WNK2: variants seen among roughly 807,000 people sequenced by gnomAD.
The protein encoded by WNK2 is serine/threonine-protein kinase WNK2.
A neutral mutation model predicts 192.1 loss-of-function variants in WNK2; 67 were observed. The observed-to-expected ratio is 0.35, with a 90% CI of 0.29 to 0.43. WNK2 has a LOEUF of 0.43. Among genes scored for constraint, WNK2 ranks in the 20% least tolerant of loss-of-function variants. The pLI is 1.00. For missense variants in WNK2, 2,698 were observed against 3,089.7 expected, an observed-to-expected ratio of 0.87 and a Z score of 3.01; for synonymous variants, 1,439 against 1,393.9, an observed-to-expected ratio of 1.03 and a Z score of -0.72.
At position 93,308,487 on chromosome 9, in the gene WNK2, C is replaced by T. The variant is rs1193417697; in HGVS notation, c.6419C>T (p.Ala2140Val). Residue 2140 changes from alanine to valine, a missense_variant, in exon 28 of 30, where the codon GCG becomes GTG. By Grantham distance (64) the Ala-to-Val change is moderately conservative. Coordinates refer to ENST00000427277, the MANE Select transcript of WNK2 (RefSeq NM_006648.4). The part of the protein sequence containing the change: ...DEWTSKTVGA[A>V]QLKPTLNQLK... The stretch of plus-strand genomic sequence containing the variant: ...TGGACGAGCAAGACGGTGGGGGCCG[C>T]GCAGCTGAAGCCCACGCTCAACCAG... 2.5e-5 allele frequency: 41 copies of T among 1,608,628 alleles called. No homozygotes were observed. Among genetic ancestry groups the T allele is most frequent in the African/African-American group, 4.0e-5 (3 of 74,842 alleles).
intron 23 of WNK2, among the ~76,000 whole-genome samples, chr9:93,296,662 G>T (rs1182729683): frequency 1.1e-4 from 1 of 8,910 alleles, no homozygotes; most frequent in Non-Finnish European, 2.1e-4. Flanking sequence ...TTTCTCCCCT[G>T]CCCATCCTCC....
intron 19 of WNK2, among the ~76,000 whole-genome samples, chr9:93,281,871 A>T (rs1847790932): frequency 6.6e-6 from 1 of 152,218 alleles, no homozygotes; most frequent in Non-Finnish European, 1.5e-5. Context: ...TGAAGGAAAT[A>T]AGCCCCAACC....
At chr9:93,283,663 C>T (rs1848049939) in intron 19 of WNK2, among the ~76,000 whole-genome samples, 1 of 152,172 alleles carries the variant, frequency 6.6e-6, no homozygotes, top group Admixed American at 6.6e-5. Flanking sequence ...ATTGCTGGAA[C>T]AACTCAGTGT....
intron 2 of WNK2, among the ~76,000 whole-genome samples, chr9:93,220,129 C>G (rs1052508778): frequency 1.3e-5 from 2 of 152,194 alleles, no homozygotes; most frequent in Non-Finnish European, 2.9e-5. Flanking sequence ...GTGGGCCAGG[C>G]CTCCTCTGGA....
chr9:93,230,818 A>T, intron 3 of WNK2, 70 bp from the exon 4 acceptor site: 1 of 1,379,412 alleles, frequency 7.2e-7, no homozygotes. Context: ...AAGCAGTGTT[A>T]GGTGGGGGCT....
chr9:93,281,500 G>A (rs1371618088), intron 19 of WNK2, among the ~76,000 whole-genome samples: 2 of 152,028 alleles, frequency 1.3e-5, no homozygotes, highest in Non-Finnish European at 1.5e-5. Flanking sequence ...AGTAAAATAA[G>A]GATAATGAAA....
intron 2 of WNK2, among the ~76,000 whole-genome samples, chr9:93,212,666 C>A (rs1835009331): frequency 6.6e-6 from 1 of 152,172 alleles, no homozygotes; most frequent in African/African-American, 2.4e-5. Context: ...AAAATGGGAG[C>A]AGCATCGACA....
rs1440181684 is a variant in WNK2, at chr9:93,306,338, C to T, written c.6215-439C>T. Among the ~76,000 whole-genome samples the T allele has an allele frequency of 4.6e-5, 7 of 152,222 alleles. No individual in the cohort carries two copies. In the East Asian group the frequency reaches 9.6e-4, roughly 21 times the overall value. ...TTGGAAAACCTCCGATGGGCTTCGG[C>T]GGCCAAGCCCAGCTGTGCCCAGCTC... On this transcript the variant is annotated intron_variant, in intron 26 of 29. Coordinates refer to ENST00000427277, the MANE Select transcript of WNK2 (RefSeq NM_006648.4).
intron 27 of WNK2, 176 bp from the exon 28 acceptor site, chr9:93,308,152 A>G: frequency 7.6e-7 from 1 of 1,310,948 alleles, no homozygotes; most frequent in Non-Finnish European, 1.0e-6. Flanking sequence ...ATGCCCCACC[A>G]TGTCTGACCC....
intron 2 of WNK2, among the ~76,000 whole-genome samples, chr9:93,222,001 G>A (rs999048010): frequency 3.9e-5 from 6 of 152,196 alleles, no homozygotes; most frequent in Non-Finnish European, 8.8e-5. Context: ...TTGACCCTAT[G>A]ATGACACATT....
In WNK2 at chr9:93,289,352, C is replaced by A; in HGVS notation, c.4598C>A (p.Ser1533Ter). Residue 1533 changes from serine (S) to a stop codon, truncating the protein, a stop_gained, in exon 20 of 30, where the codon TCG (serine) becomes TAG (stop). Transcript: ENST00000427277. LOFTEE classifies it high-confidence loss of function. ...CCACAGCCACCCTCGGCCCTGGAGT[C>A]GGATGGGGAAGGGCCGCCCCCCAGG... ...VPPQPPSALESDGEGPPPRVG... is the reference protein window; with the variant it reads ...VPPQPPSALE 6.2e-7 allele frequency: 1 copy of A among 1,609,980 alleles called. No individual in the cohort carries two copies. The highest frequency in any genetic ancestry group is 8.5e-7 in the Non-Finnish European group (1 of 1,178,458).
intron 2 of WNK2, among the ~76,000 whole-genome samples, chr9:93,222,132 A>G (rs1434369129): frequency 6.6e-6 from 1 of 151,680 alleles, no homozygotes; most frequent in Non-Finnish European, 1.5e-5. Flanking sequence ...TAAGAGAGTA[A>G]AGCTCACTTG....
In WNK2 at chr9:93,188,439, G is replaced by C. The variant is rs1047262473; in HGVS notation, c.681+2829G>C. Among the ~76,000 whole-genome samples the C allele has an allele frequency of 2.6e-5, 4 of 152,246 alleles. No individual in the cohort carries two copies. In the South Asian group the frequency reaches 8.3e-4, roughly 31 times the overall value. On this transcript the variant is annotated intron_variant, in intron 2 of 29. Coordinates refer to ENST00000427277, the MANE Select transcript of WNK2 (RefSeq NM_006648.4). ...TATTTATCTCACATCGAAGGGCAGT[G>C]AGGTGTTTCACCTTCTGAATTCTCC...
chr9:93,245,504 G>A (rs191245662), intron 7 of WNK2, among the ~76,000 whole-genome samples: 2 of 152,176 alleles, frequency 1.3e-5, no homozygotes, highest in African/African-American at 4.8e-5. Context: ...GTTTGCATGT[G>A]TTTCCCCGGG....
intron 26 of WNK2, among the ~76,000 whole-genome samples, chr9:93,301,135 C>G (rs1564210212): frequency 6.6e-6 from 1 of 152,250 alleles, no homozygotes; most frequent in Non-Finnish European, 1.5e-5. Context: ...TTGGGGCCAT[C>G]CCAAAGCACG....
chr9:93,310,498 A>G (rs987377374), intron 28 of WNK2, among the ~76,000 whole-genome samples: 2 of 152,146 alleles, frequency 1.3e-5, no homozygotes, highest in East Asian at 3.8e-4. Context: ...CACATTTTCA[A>G]GCGTACAGTT....
intron 2 of WNK2, among the ~76,000 whole-genome samples, chr9:93,201,850 C>T (rs921053507): frequency 2.0e-5 from 3 of 152,234 alleles, no homozygotes; most frequent in South Asian, 2.1e-4. Context: ...GACATTGGAA[C>T]GTTCCAGCCC....
chr9:93,310,466 A>T (rs1208567881), intron 28 of WNK2, among the ~76,000 whole-genome samples: 1 of 152,032 alleles, frequency 6.6e-6, no homozygotes, highest in East Asian at 1.9e-4. Context: ...TATATATATA[A>T]AACACAAAAT....
At position 93,239,721 on chromosome 9, in the gene WNK2, G is replaced by A. The variant is rs1588116504; in HGVS notation, c.1323-36G>A. 13 of 1,528,060 alleles carry A rather than the reference G, an allele frequency of 8.5e-6. No homozygotes were observed. The highest frequency in any genetic ancestry group is 1.2e-5 in the South Asian group (1 of 82,958). The allele number at this position is 1,528,060 out of a possible 1,614,324, so 94.7% of individuals were successfully genotyped here. A position where few individuals can be genotyped will look rare whatever the true frequency, so the allele number is the denominator to read the frequency against. On this transcript the variant is annotated intron_variant, in intron 6 of 29. Transcript: ENST00000427277. The surrounding 1 kb of genome is among the most constrained non-coding windows in gnomAD (Gnocchi z 4.2). The stretch of plus-strand genomic sequence containing the variant: ...GGAGCCTGGGCATGGAGGCCCTGGC[G>A]CCCGTGCCCCTGCCTGTCAGCTGCT...
Sources: allele counts gnomAD v4.1 joint callset (sites outside exome capture counted in the v4.1 genomes callset), GRCh38; gene constraint gnomAD v4.1.1; non-coding constraint Gnocchi (gnomAD v3.1); transcripts MANE v1.5; gene names NCBI Gene and HGNC (gene_info 2026-07-23, HGNC 2026-07-21).